LLGL2: variants seen among roughly 807,000 people sequenced by gnomAD.
The protein encoded by LLGL2 is LLGL scribble cell polarity complex component 2.
LLGL2 carries 81 observed loss-of-function variants against 123.2 expected under a neutral mutation model. That is an observed-to-expected ratio of 0.66 (90% CI 0.55 to 0.79). The LOEUF (loss-of-function observed/expected upper bound fraction) is 0.79. LLGL2 is among the 30% of genes least tolerant of loss of function. LLGL2 has a pLI of 0.00. For missense variants in LLGL2, 1,273 were observed against 1,414.6 expected, an observed-to-expected ratio of 0.90 and a Z score of 1.61; for synonymous variants, 577 against 594.1, an observed-to-expected ratio of 0.97 and a Z score of 0.42.
At chr17:75,530,079 C>T (rs1598495959) in intron 1 of LLGL2, among the ~76,000 whole-genome samples, 1 of 152,158 alleles carries the variant, frequency 6.6e-6, no homozygotes, top group East Asian at 1.9e-4. Context: ...ACTCAACTTC[C>T]ATGAAGCATA....
chr17:75,525,429 G>T (rs1290243505), upstream of LLGL2, among the ~76,000 whole-genome samples: 1 of 152,002 alleles, frequency 6.6e-6, no homozygotes, highest in Non-Finnish European at 1.5e-5. The surrounding 1 kb of genome is among the most constrained non-coding windows in gnomAD (Gnocchi z 4.8). Flanking sequence ...TTCCGCTTGC[G>T]GGAGGCGGCG....
chr17:75,560,829 A>AAC (rs1403028097), intron 6 of LLGL2, among the ~76,000 whole-genome samples: 21 of 110,998 alleles, frequency 1.9e-4, no homozygotes, highest in Admixed American at 3.1e-4. Context: ...AAAAAAAAAA[A>AAC]AAACAAAGAA....
chr17:75,562,886 C>T, intron 6 of LLGL2, 130 bp from the exon 7 acceptor site: 1 of 1,181,182 alleles, frequency 8.5e-7, no homozygotes, highest in African/African-American at 1.5e-5. Context: ...TGCGCCCAGC[C>T]CCTAGCCATA....
At chr17:75,538,122 C>G (rs1468813820) in intron 1 of LLGL2, among the ~76,000 whole-genome samples, 2 of 152,084 alleles carry the variant, frequency 1.3e-5, no homozygotes, top group African/African-American at 4.8e-5. Context: ...GGAAGGGGGG[C>G]CGGGCTGATT....
rs369323008 is a variant in LLGL2 at position 75,573,005 on chromosome 17, C to T, written c.2461-9C>T. 270 of 1,594,858 alleles carry T rather than the reference C, an allele frequency of 1.7e-4. 2 individuals are homozygous for T. Among genetic ancestry groups the T allele is most frequent in the African/African-American group, 1.2e-3 (91 of 74,726 alleles). ...GCCATGGGCATGAACAACCACCCCA[C>T]GCCCCCAGGTGTTCACGCTGCCCAA... is the stretch of plus-strand genomic sequence containing the variant. On this transcript the variant is annotated splice_polypyrimidine_tract_variant and intron_variant, in intron 19 of 25. Coordinates refer to ENST00000392550, the MANE Select transcript of LLGL2 (RefSeq NM_001031803.2).
intron 2 of LLGL2, among the ~76,000 whole-genome samples, chr17:75,555,343 G>C (rs1043049259): frequency 6.9e-6 from 1 of 145,422 alleles, no homozygotes; most frequent in Non-Finnish European, 1.5e-5. Context: ...AGGCTGCTCT[G>C]CCTGCCGGGT....
chr17:75,526,104 C>T (rs944852611), intron 1 of LLGL2, among the ~76,000 whole-genome samples: 2 of 152,202 alleles, frequency 1.3e-5, no homozygotes, highest in African/African-American at 2.4e-5. Flanking sequence ...AGCAGGAGAA[C>T]AGGTGCCCCG....
At chr17:75,541,891 G>A (rs183904499) in intron 1 of LLGL2, among the ~76,000 whole-genome samples, 310 of 151,640 alleles carry the variant, frequency 2.0e-3, no homozygotes, top group African/African-American at 6.2e-3. Context: ...CACCACACTC[G>A]GCTAACTTTT....
intron 12 of LLGL2, 34 bp from the exon 13 acceptor site, chr17:75,568,944 C>T (rs761550152): frequency 1.3e-6 from 2 of 1,594,868 alleles, no homozygotes; most frequent in South Asian, 1.1e-5. Flanking sequence ...GGCTGGCATC[C>T]CTCTCACGCC....
intron 2 of LLGL2, among the ~76,000 whole-genome samples, 171 bp from the exon 3 acceptor site, chr17:75,555,875 G>T (rs940596489): frequency 6.6e-6 from 1 of 152,136 alleles, no homozygotes; most frequent in Admixed American, 6.5e-5. Context: ...AGGGACAGGG[G>T]GTGGGGCCTG....
At chr17:75,543,190 G>T in intron 1 of LLGL2, 1 of 354,148 alleles carries the variant, frequency 2.8e-6, no homozygotes, top group Non-Finnish European at 5.1e-6. Flanking sequence ...CACAGGTGGT[G>T]ACAGCCTTCA....
At position 75,559,508 on chromosome 17, in the gene LLGL2, TGC is replaced by T; in HGVS notation, c.530+99_530+100del. 7.0e-7 allele frequency: 1 copy of T among 1,435,464 alleles called. No individual in the cohort carries two copies. The highest frequency in any genetic ancestry group is 9.3e-7 in the Non-Finnish European group (1 of 1,074,510). 88.9% of individuals were successfully genotyped at this position (1,435,464 alleles called of 1,614,324 possible). A position where few individuals can be genotyped will look rare whatever the true frequency, so the allele number is the denominator to read the frequency against. On this transcript the variant is annotated intron_variant, in intron 6 of 25. Coordinates refer to ENST00000392550, the MANE Select transcript of LLGL2 (RefSeq NM_001031803.2). The surrounding 1 kb of genome is among the most constrained non-coding windows in gnomAD (Gnocchi z 4.6). ...ACTCTGTCAGGAGCTGTCATTTCTC[TGC>T]TGGGAATTCCATGGGGCTATAGCAG...
At chr17:75,568,744 C>A (rs1568069231) in intron 11 of LLGL2, 28 bp from the exon 12 acceptor site, 2 of 1,611,784 alleles carry the variant, frequency 1.2e-6, no homozygotes, top group East Asian at 2.2e-5. Context: ...CCAAACTCTC[C>A]CATGGACTTC....
At chr17:75,534,026 A>AC (rs1168253717) in intron 1 of LLGL2, among the ~76,000 whole-genome samples, 7 of 147,290 alleles carry the variant, frequency 4.8e-5, no homozygotes, top group African/African-American at 1.8e-4. Flanking sequence ...TAGGGCAGGT[A>AC]GGAGGCCCTA....
At chr17:75,568,930 T>C in intron 12 of LLGL2, 48 bp from the exon 13 acceptor site, 6 of 1,586,406 alleles carry the variant, frequency 3.8e-6, no homozygotes, top group Non-Finnish European at 5.2e-6. Context: ...CCCCTGGGCA[T>C]CCCGGCTGGC....
At chr17:75,526,472 T>C (rs765379933) in intron 1 of LLGL2, among the ~76,000 whole-genome samples, 1 of 152,140 alleles carries the variant, frequency 6.6e-6, no homozygotes, top group Non-Finnish European at 1.5e-5. Context: ...AAGTGGAAAA[T>C]TCTATCTTGC....
In LLGL2 at chr17:75,574,924, T is replaced by C; in HGVS notation, c.*46T>C. The C allele has an allele frequency of 6.2e-7, 1 of 1,613,742 alleles. No homozygotes were observed. Among genetic ancestry groups the C allele is most frequent in the South Asian group, 1.1e-5 (1 of 91,092 alleles). On this transcript the variant is annotated 3_prime_UTR_variant, in exon 26 of 26. Transcript: ENST00000392550. The stretch of plus-strand genomic sequence containing the variant: ...CGCGATGAGCACACACTACTACTGA[T>C]GGCCTTTCGGGGGTCCCTGCCCCAA...
chr17:75,567,774 T>C (rs1368846291), intron 10 of LLGL2: 2 of 151,906 alleles, frequency 1.3e-5, no homozygotes, highest in Non-Finnish European at 2.9e-5. Flanking sequence ...AAACCCTGTC[T>C]CTACCAAAAA....
intron 3 of LLGL2, 90 bp downstream of exon 3, chr17:75,556,233 C>A: frequency 9.9e-7 from 1 of 1,012,260 alleles, no homozygotes; most frequent in Non-Finnish European, 1.5e-6. Context: ...TGCCCGTGGG[C>A]TGTTGGGATA....
Sources: gnomAD v4.1 joint callset for allele counts (sites outside exome capture counted in the v4.1 genomes callset) on GRCh38, gnomAD v4.1.1 for gene constraint, Gnocchi (gnomAD v3.1) non-coding constraint, MANE v1.5 for transcripts, NCBI Gene and HGNC (gene_info 2026-07-23, HGNC 2026-07-21) for gene names.